TBC1D22A: variants seen among roughly 807,000 people sequenced by gnomAD.
The protein encoded by TBC1D22A is putative GTPase activator.
Under a neutral mutation model 60.2 loss-of-function variants are expected in TBC1D22A, and 38 were observed. The ratio of observed to expected loss-of-function variants is 0.63; its 90% CI spans 0.49 to 0.83. The LOEUF (loss-of-function observed/expected upper bound fraction) is 0.83. TBC1D22A is among the 40% of genes least tolerant of loss of function. TBC1D22A has a pLI of 0.00. For missense variants in TBC1D22A, 628 were observed against 701.0 expected (o/e 0.90, Z 1.18); for synonymous variants, 302 against 281.7 (o/e 1.07, Z -0.72).
chr22:47,132,788 G>A (rs935188893), intron 12 of TBC1D22A, among the ~76,000 whole-genome samples: 1 of 152,256 alleles, frequency 6.6e-6, no homozygotes, highest in African/African-American at 2.4e-5. Flanking sequence ...TTGGCTTGAA[G>A]GCGGGCTGTT....
chr22:46,873,806 T>C (rs1602255157), intron 4 of TBC1D22A, among the ~76,000 whole-genome samples: 1 of 151,686 alleles, frequency 6.6e-6, no homozygotes, highest in Non-Finnish European at 1.5e-5. Context: ...TTTTTTTTTT[T>C]CTTTTGAGAC....
chr22:47,041,424 C>A (rs950977360), intron 11 of TBC1D22A, among the ~76,000 whole-genome samples: 2 of 152,210 alleles, frequency 1.3e-5, no homozygotes, highest in Non-Finnish European at 2.9e-5. Flanking sequence ...GCTGAGGGCG[C>A]GTCCTCCCAC....
intron 12 of TBC1D22A, among the ~76,000 whole-genome samples, chr22:47,163,130 G>A (rs900300437): frequency 6.6e-6 from 1 of 152,202 alleles, no homozygotes; most frequent in African/African-American, 2.4e-5. Flanking sequence ...CTCCCCTGTG[G>A]TTCCTTTTCC....
intron 4 of TBC1D22A, among the ~76,000 whole-genome samples, chr22:46,825,832 A>C (rs1476134653): frequency 6.6e-6 from 1 of 152,052 alleles, no homozygotes; most frequent in Non-Finnish European, 1.5e-5. Flanking sequence ...TAATATGAAA[A>C]AACGTTTTTC....
chr22:47,020,004 ACCCT>A (rs1276428803), intron 10 of TBC1D22A, among the ~76,000 whole-genome samples: 1 of 133,184 alleles, frequency 7.5e-6, no homozygotes. Flanking sequence ...CTCTCCCTTA[ACCCT>A]CCATCCTTCC....
intron 4 of TBC1D22A, among the ~76,000 whole-genome samples, chr22:46,801,576 C>G (rs1210191057): frequency 2.6e-5 from 4 of 152,238 alleles, no homozygotes; most frequent in Non-Finnish European, 5.9e-5. Flanking sequence ...AAATGACACT[C>G]AAGTTGGTCA....
At chr22:46,966,645 G>A (rs2073819042) in intron 8 of TBC1D22A, among the ~76,000 whole-genome samples, 1 of 152,196 alleles carries the variant, frequency 6.6e-6, no homozygotes, top group Non-Finnish European at 1.5e-5. Flanking sequence ...TCATCAAAAC[G>A]AGGACGGCAA....
At chr22:47,160,848 C>T (rs1171217726) in intron 12 of TBC1D22A, among the ~76,000 whole-genome samples, 1 of 152,122 alleles carries the variant, frequency 6.6e-6, no homozygotes, top group Non-Finnish European at 1.5e-5. Context: ...ATGCCCTCCC[C>T]CCAGCTACCC....
intron 10 of TBC1D22A, among the ~76,000 whole-genome samples, chr22:47,017,525 G>A (rs1050187952): frequency 1.3e-5 from 2 of 151,918 alleles, no homozygotes; most frequent in East Asian, 3.9e-4. Flanking sequence ...CACACCCAGC[G>A]GCTTCTGAGA....
chr22:46,778,906 T>A (rs544998874), intron 1 of TBC1D22A, among the ~76,000 whole-genome samples: 2 of 151,992 alleles, frequency 1.3e-5, no homozygotes, highest in African/African-American at 4.8e-5. Flanking sequence ...TAGCCGGGCG[T>A]GGTGGTGGGC....
intron 4 of TBC1D22A, among the ~76,000 whole-genome samples, chr22:46,800,927 T>C (rs2084870549): frequency 6.6e-6 from 1 of 152,184 alleles, no homozygotes; most frequent in Non-Finnish European, 1.5e-5. Flanking sequence ...ATTTGCCTGA[T>C]GGGAACCCTG....
chr22:46,888,292 G>C (rs983701349), intron 5 of TBC1D22A, among the ~76,000 whole-genome samples: 1 of 152,226 alleles, frequency 6.6e-6, no homozygotes, highest in African/African-American at 2.4e-5. Flanking sequence ...ACAAGGGTTG[G>C]GCAGAGGGTG....
intron 10 of TBC1D22A, among the ~76,000 whole-genome samples, chr22:47,024,690 A>G (rs1324792469): frequency 6.6e-6 from 1 of 151,358 alleles, no homozygotes; most frequent in African/African-American, 2.4e-5. Context: ...CCCGTCTCTT[A>G]AAAAAAAATT....
chr22:46,983,855 G>C (rs564803043), intron 9 of TBC1D22A, among the ~76,000 whole-genome samples: 1 of 152,072 alleles, frequency 6.6e-6, no homozygotes, highest in African/African-American at 2.4e-5. Flanking sequence ...GCTATGTTTC[G>C]GGGATGATTT....
At chr22:46,904,107 C>CTATT (rs2069221008) in intron 7 of TBC1D22A, among the ~76,000 whole-genome samples, 1 of 58,506 alleles carries the variant, frequency 1.7e-5, no homozygotes, top group Non-Finnish European at 3.4e-5. Flanking sequence ...ATCTATCTAT[C>CTATT]TATCTATCTA....
chr22:46,785,907 T>C (rs1472079295), intron 1 of TBC1D22A, among the ~76,000 whole-genome samples: 1 of 152,108 alleles, frequency 6.6e-6, no homozygotes, highest in Non-Finnish European at 1.5e-5. Context: ...CAGCCTGCCA[T>C]GTAGCTGGGA....
intron 11 of TBC1D22A, among the ~76,000 whole-genome samples, chr22:47,043,724 A>G (rs2062926967): frequency 1.3e-5 from 2 of 152,114 alleles, no homozygotes. Context: ...GGCATAGAGC[A>G]GGTGTCCAGG....
intron 12 of TBC1D22A, among the ~76,000 whole-genome samples, chr22:47,141,840 C>A (rs1383124528): frequency 6.6e-6 from 1 of 152,194 alleles, no homozygotes; most frequent in East Asian, 1.9e-4. Context: ...TTTTTAATAT[C>A]AAATTCCACT....
chr22:47,025,499 C>T (rs928324021), intron 10 of TBC1D22A, among the ~76,000 whole-genome samples: 2 of 152,138 alleles, frequency 1.3e-5, no homozygotes, highest in African/African-American at 4.8e-5. Flanking sequence ...TTTAAGTAAC[C>T]CATGTATCAT....
Sources: gnomAD v4.1 joint callset for allele counts (sites outside exome capture counted in the v4.1 genomes callset) on GRCh38, gnomAD v4.1.1 for gene constraint, MANE v1.5 for transcripts, NCBI Gene and HGNC (gene_info 2026-07-23, HGNC 2026-07-21) for gene names.